The following ASH1L variants were observed in gnomAD, a reference collection of about 807,000 sequenced individuals.
The protein encoded by ASH1L is histone-lysine N-methyltransferase ASH1L.
In ASH1L, 23 loss-of-function variants were observed where a neutral mutation model predicts 269.0. That is an observed-to-expected ratio of 0.09 (90% CI 0.06 to 0.12). The LOEUF (loss-of-function observed/expected upper bound fraction) is 0.12. ASH1L is among the 10% of genes least tolerant of loss of function. The pLI is 1.00. For synonymous variants in ASH1L, 1,187 were observed against 1,253.5 expected (o/e 0.95, Z 1.12); for missense variants, 2,912 against 3,567.8 (o/e 0.82, Z 4.68).
chr1:155,484,385 G>C (rs1666154780), intron 2 of ASH1L, among the ~76,000 whole-genome samples: 2 of 152,148 alleles, frequency 1.3e-5, no homozygotes, highest in South Asian at 4.2e-4. Flanking sequence ...GCTACCGGGA[G>C]GCTGAGGCAG....
At chr1:155,347,543 T>TA in intron 20 of ASH1L, 113 bp downstream of exon 20, 1 of 1,361,458 alleles carries the variant, frequency 7.3e-7, no homozygotes, top group Non-Finnish European at 1.0e-6. Flanking sequence ...AAGGCTAAGT[T>TA]ACAGTTCATA....
chr1:155,562,916 C>T, upstream of ASH1L: 1 of 455,710 alleles, frequency 2.2e-6, no homozygotes, highest in East Asian at 6.9e-5. Context: ...TACCACCCTC[C>T]ACCCCTCGCG....
chr1:155,352,297 CAAAAAAAAAAAAAA>C (rs1281473342), intron 17 of ASH1L, among the ~76,000 whole-genome samples: 1 of 28,118 alleles, frequency 3.6e-5, no homozygotes, highest in East Asian at 1.2e-3. Context: ...ACCTCCATCT[CAAAAAAAAAAAAAA>C]AAAAAAAAAA....
intron 4 of ASH1L, among the ~76,000 whole-genome samples, chr1:155,450,859 T>C (rs1663409659): frequency 6.6e-6 from 1 of 152,100 alleles, no homozygotes; most frequent in South Asian, 2.1e-4. Flanking sequence ...AAAGGAATAT[T>C]ATTCAGCCTT....
chr1:155,523,682 G>C (rs1173166143), intron 1 of ASH1L, among the ~76,000 whole-genome samples: 1 of 152,126 alleles, frequency 6.6e-6, no homozygotes, highest in African/African-American at 2.4e-5. Context: ...GTCTAGCCTG[G>C]TCAACATGTC....
chr1:155,404,555 G>C (rs1659107188), intron 6 of ASH1L, among the ~76,000 whole-genome samples: 1 of 151,944 alleles, frequency 6.6e-6, no homozygotes, highest in Non-Finnish European at 1.5e-5. Context: ...CGATGTGAAT[G>C]ATCTTAAGCA....
chr1:155,340,777 AT>A (rs748634356), intron 25 of ASH1L, among the ~76,000 whole-genome samples: 13,377 of 141,198 alleles, frequency 0.095, 1,389 homozygotes, highest in African/African-American at 0.28. Context: ...TCTATACTTA[AT>A]TTTTTTTTTT....
intron 1 of ASH1L, among the ~76,000 whole-genome samples, chr1:155,548,487 T>C (rs1404246451): frequency 6.6e-6 from 1 of 151,972 alleles, no homozygotes; most frequent in Admixed American, 6.6e-5. Context: ...GGCACCATTG[T>C]ACTCCAGCCT....
At chr1:155,540,067 C>CA (rs199663612) in intron 1 of ASH1L, among the ~76,000 whole-genome samples, 4,685 of 138,636 alleles carry the variant, frequency 0.034, 94 homozygotes, top group Non-Finnish European at 0.048. Flanking sequence ...GACCTTGTCT[C>CA]AAAAAAAAAA....
At chr1:155,365,954 T>C (rs563553210) in intron 12 of ASH1L, among the ~76,000 whole-genome samples, 15 of 152,270 alleles carry the variant, frequency 9.9e-5, no homozygotes, top group African/African-American at 3.6e-4. Context: ...CCCTAAGGAT[T>C]AAGGGTTCTC....
At chr1:155,427,732 C>A (rs566897502) in intron 5 of ASH1L, among the ~76,000 whole-genome samples, 1 of 152,316 alleles carries the variant, frequency 6.6e-6, no homozygotes, top group Non-Finnish European at 1.5e-5. Context: ...AGCCACTGCA[C>A]CCGGCCCCTG....
At chr1:155,558,414 C>A (rs1333455643) in intron 1 of ASH1L, among the ~76,000 whole-genome samples, 1 of 151,828 alleles carries the variant, frequency 6.6e-6, no homozygotes, top group Non-Finnish European at 1.5e-5. Context: ...GAGGTTGCAG[C>A]GAGCTGAGAT....
chr1:155,553,328 T>C (rs1671343606), intron 1 of ASH1L, among the ~76,000 whole-genome samples: 1 of 152,258 alleles, frequency 6.6e-6, no homozygotes, highest in Non-Finnish European at 1.5e-5. Context: ...CCAAATATTT[T>C]ATTGACATTA....
chr1:155,449,444 C>T (rs1419924811), intron 4 of ASH1L, among the ~76,000 whole-genome samples: 1 of 151,844 alleles, frequency 6.6e-6, no homozygotes, highest in East Asian at 1.9e-4. Context: ...CGTATCAAGA[C>T]ATTTGATTAC....
At position 155,336,587 on chromosome 1, in the gene ASH1L, A is replaced by AGTAT. The variant is rs2148300553; in HGVS notation, c.*1072_*1073insATAC. The AGTAT allele has an allele frequency of 6.5e-6, 1 of 152,832 alleles. No individual in the cohort carries two copies. The highest frequency in any genetic ancestry group is 2.1e-4 in the South Asian group (1 of 4,828). The allele number at this position is 152,832 out of a possible 1,614,324, so 9.5% of individuals were successfully genotyped here. On this transcript the variant is annotated 3_prime_UTR_variant, in exon 28 of 28. Transcript: ENST00000392403. Reference sequence around the variant, plus strand: ...TAGGAAGGAAGGAGACACCCTGGATATACCTCCTGATGTCATTCAGGAGGG... The same window carrying AGTAT: ...TAGGAAGGAAGGAGACACCCTGGATAGTATTACCTCCTGATGTCATTCAGGAGGG...
chr1:155,434,058 C>T (rs1328543497), intron 5 of ASH1L: 2 of 1,592,082 alleles, frequency 1.3e-6, no homozygotes, highest in South Asian at 1.1e-5. Flanking sequence ...AGCGACTATG[C>T]ATAACGAGAG....
intron 1 of ASH1L, among the ~76,000 whole-genome samples, chr1:155,559,427 C>T (rs772317475): frequency 1.3e-4 from 19 of 150,250 alleles, no homozygotes; most frequent in Non-Finnish European, 2.4e-4. Flanking sequence ...CCCAGCTACT[C>T]GGGAGGCTGA....
intron 3 of ASH1L, among the ~76,000 whole-genome samples, chr1:155,476,844 C>T (rs763945922): frequency 2.6e-5 from 4 of 151,938 alleles, no homozygotes; most frequent in African/African-American, 4.8e-5. Flanking sequence ...TGAGCCACTG[C>T]GCCTGGCCTA....
chr1:155,387,750 T>C (rs1303295287), intron 7 of ASH1L, among the ~76,000 whole-genome samples: 1 of 152,220 alleles, frequency 6.6e-6, no homozygotes, highest in East Asian at 1.9e-4. Flanking sequence ...TTTAACGGTA[T>C]TTATTCTTCC....
Sources: allele counts gnomAD v4.1 joint callset (sites outside exome capture counted in the v4.1 genomes callset), GRCh38; gene constraint gnomAD v4.1.1; transcripts MANE v1.5; gene names NCBI Gene and HGNC (gene_info 2026-07-23, HGNC 2026-07-21).